SH3TC2: variants seen among roughly 807,000 people sequenced by gnomAD.
SH3TC2 encodes SH3 domain and tetratricopeptide repeats 2.
A neutral mutation model predicts 124.5 loss-of-function variants in SH3TC2; 87 were observed. That is an observed-to-expected ratio of 0.70 (90% confidence interval 0.59 to 0.84). The LOEUF is 0.84. SH3TC2 is among the 40% of genes least tolerant of loss of function. The pLI is 0.00. For missense variants in SH3TC2, 1,536 were observed against 1,566.4 expected (o/e 0.98, Z 0.33); for synonymous variants, 634 against 628.5 (o/e 1.01, Z -0.13).
chr5:149,045,048 T>C, intron 3 of SH3TC2: 1 of 180,400 alleles, frequency 5.5e-6, no homozygotes, highest in Non-Finnish European at 1.2e-5. Flanking sequence ...CAAATTTGAT[T>C]ATGAGTCTAT....
intron 8 of SH3TC2, among the ~76,000 whole-genome samples, 164 bp from the exon 9 acceptor site, chr5:149,031,851 T>C (rs191338391): frequency 7.2e-5 from 11 of 152,278 alleles, no homozygotes; most frequent in African/African-American, 2.6e-4. Flanking sequence ...ACTGTATTTA[T>C]ACTGCCAAAA....
chr5:149,061,364 C>G (rs1355578901), intron 1 of SH3TC2, among the ~76,000 whole-genome samples: 2 of 152,030 alleles, frequency 1.3e-5, no homozygotes, highest in Non-Finnish European at 2.9e-5. Flanking sequence ...TCTGAGGCAC[C>G]TCTACACAGC....
rs1185218436 is a variant in SH3TC2, at chr5:148,995,835, A to T, written c.*8876T>A. On this transcript the variant is annotated 3_prime_UTR_variant, in exon 17 of 17. Coordinates refer to ENST00000515425, the MANE Select transcript of SH3TC2 (RefSeq NM_024577.4). ...TGGTGCACATGGATTATTAAAATAA[A>T]AAAACTCACATAAAGTACACTTTTA... Among the ~76,000 whole-genome samples, 1 of 152,192 alleles carries T rather than the reference A, an allele frequency of 6.6e-6. No individual in the cohort carries two copies. The highest frequency in any genetic ancestry group is 1.5e-5 in the Non-Finnish European group (1 of 68,038).
At position 149,004,676 on chromosome 5, in the gene SH3TC2, G is replaced by C. The variant is rs1208560384; in HGVS notation, c.*35C>G. ...CCTAGGGCAGTGGGGTCAGAGTCTG[G>C]CCATGCCAAATGTCCAGAGACAGGA... On this transcript the variant is annotated 3_prime_UTR_variant, in exon 17 of 17. Transcript: ENST00000515425. 5.0e-6 allele frequency: 8 copies of C among 1,609,784 alleles called. No homozygotes were observed. Among genetic ancestry groups the C allele is most frequent in the Non-Finnish European group, 2.5e-6 (3 of 1,178,476 alleles).
chr5:149,031,140 T>C (rs1021038425), intron 9 of SH3TC2, among the ~76,000 whole-genome samples: 47 of 152,284 alleles, frequency 3.1e-4, no homozygotes, highest in African/African-American at 9.9e-4. Context: ...TGTTTCCCAA[T>C]CTGTAATGTG....
rs780815734 is a variant in SH3TC2, at chr5:148,995,725, G to A, written c.*8986C>T. 2.6e-5 allele frequency among the ~76,000 whole-genome samples: 4 copies of A among 151,938 alleles called. No homozygotes were observed. The highest frequency in any genetic ancestry group is 4.4e-5 in the Non-Finnish European group (3 of 68,018). On this transcript the variant is annotated 3_prime_UTR_variant, in exon 17 of 17. Transcript: ENST00000515425. Reference sequence around the variant, plus strand: ...CAAATCTTTATTGAGAGCCTGCCATGCATCAGACACTGGGCTGGGCTCCAG... The same window carrying A: ...CAAATCTTTATTGAGAGCCTGCCATACATCAGACACTGGGCTGGGCTCCAG...
intron 12 of SH3TC2, among the ~76,000 whole-genome samples, chr5:149,013,076 T>C (rs1365988684): frequency 6.6e-6 from 1 of 152,198 alleles, no homozygotes; most frequent in Non-Finnish European, 1.5e-5. Context: ...CTTATAATTA[T>C]TATTATTATT....
rs1753627388 is a variant in SH3TC2, at chr5:149,003,304, C to T, written c.*1407G>A. ...TGTGATCAGGTTATAGAAAGAGTCA[C>T]TCCCTTTTCTCCTGCTCACTCTGGT... is the stretch of plus-strand genomic sequence containing the variant. On this transcript the variant is annotated 3_prime_UTR_variant, in exon 17 of 17. Coordinates refer to ENST00000515425, the MANE Select transcript of SH3TC2 (RefSeq NM_024577.4). 1.3e-5 allele frequency: 2 copies of T among 152,770 alleles called. No individual in the cohort carries two copies. Among genetic ancestry groups the T allele is most frequent in the Non-Finnish European group, 2.9e-5 (2 of 68,480 alleles). 9.5% of individuals were successfully genotyped at this position (152,770 alleles called of 1,614,324 possible). A position where few individuals can be genotyped will look rare whatever the true frequency, so the allele number is the denominator to read the frequency against.
At position 148,991,684 on chromosome 5, in the gene SH3TC2, A is replaced by G. The variant is rs949425932; in HGVS notation, c.*13027T>C. 1.9e-4 allele frequency among the ~76,000 whole-genome samples: 29 copies of G among 152,226 alleles called. No individual in the cohort carries two copies. Among genetic ancestry groups the G allele is most frequent in the African/African-American group, 6.8e-4 (28 of 41,462 alleles). ...CTGGGGTCACAAAAGCCTTGTAATT[A>G]GAATCAGTGTGACTAATTTCCAGGT... On this transcript the variant is annotated 3_prime_UTR_variant, in exon 17 of 17. Transcript: ENST00000515425.
chr5:149,012,854 G>T, intron 12 of SH3TC2, 120 bp from the exon 13 acceptor site: 1 of 1,181,298 alleles, frequency 8.5e-7, no homozygotes, highest in Non-Finnish European at 1.2e-6. Flanking sequence ...ACACAGGGAG[G>T]TGGGCCTGAT....
rs1364183817 is a variant in SH3TC2 at position 148,989,593 on chromosome 5, C to T, written c.*15118G>A. Among the ~76,000 whole-genome samples the T allele has an allele frequency of 6.6e-6, 1 of 152,232 alleles. No homozygotes were observed. The highest frequency in any genetic ancestry group is 1.5e-5 in the Non-Finnish European group (1 of 68,042). On this transcript the variant is annotated 3_prime_UTR_variant, in exon 17 of 17. Coordinates refer to ENST00000515425, the MANE Select transcript of SH3TC2 (RefSeq NM_024577.4). ...AGTTTTGGGGATTGCAAAGTGTTGA[C>T]ATTTTCAGACCACCTATGTATATTG...
chr5:149,018,490 T>C (rs939393780), intron 12 of SH3TC2, among the ~76,000 whole-genome samples: 2 of 152,190 alleles, frequency 1.3e-5, no homozygotes, highest in South Asian at 2.1e-4. Flanking sequence ...ACGTCTTACA[T>C]GGCAGAAGGC....
rs1754092804 is a variant in SH3TC2, at chr5:149,027,548, G to T, written c.2184C>A (p.Gly728=). 1 of 1,614,248 alleles carries T rather than the reference G, an allele frequency of 6.2e-7. No homozygotes were observed. Among genetic ancestry groups the T allele is most frequent in the Non-Finnish European group, 8.5e-7 (1 of 1,180,046 alleles). ...TTKLLGFPSP[G]WGEVSALACP... ...AGGCCAAGGCAGAAACTTCACCCCA[G>T]CCTGGGGAAGGAAAGCCAAGGAGCT... The change falls in exon 11 of 17, where the codon GGC becomes GGA. Residue 728 remains glycine (G), a synonymous_variant. Transcript: ENST00000515425.
chr5:149,028,437 A>C lies in SH3TC2; in HGVS notation c.1295T>G (p.Leu432Arg). The change falls in exon 11 of 17, where the codon CTC (leucine) becomes CGC (arginine). Residue 432 changes from leucine to arginine, a missense_variant. Transcript: ENST00000515425. ...GCGATAGCTGTCTGAGGTGGCCGAG[A>C]GGAGCTCCTCCTCCAGGCTGGAGTC... is the stretch of plus-strand genomic sequence containing the variant. The part of the protein sequence containing the change: ...SEDSSLEEEL[L>R]SATSDSYRLP... The C allele has an allele frequency of 6.2e-7, 1 of 1,613,394 alleles. No homozygotes were observed. The highest frequency in any genetic ancestry group is 8.5e-7 in the Non-Finnish European group (1 of 1,179,614).
Position 148,982,405 on chromosome 5 carries a change from T to C in SH3TC2, c.*22306A>G, listed in dbSNP as rs1345607622. Among the ~76,000 whole-genome samples the C allele has an allele frequency of 1.3e-5, 2 of 152,220 alleles. No individual in the cohort carries two copies. The highest frequency in any genetic ancestry group is 1.9e-4 in the East Asian group (1 of 5,202). On this transcript the variant is annotated 3_prime_UTR_variant, in exon 17 of 17. Coordinates refer to ENST00000515425, the MANE Select transcript of SH3TC2 (RefSeq NM_024577.4). The stretch of plus-strand genomic sequence containing the variant: ...ACTTTTGTGGAATTTTTCCTACATA[T>C]ATAATCACAATCACATGAAATGACA...
rs1753535950 is a variant in SH3TC2 at position 148,997,869 on chromosome 5, T to C, written c.*6842A>G. 6.6e-6 allele frequency among the ~76,000 whole-genome samples: 1 copy of C among 152,106 alleles called. No individual in the cohort carries two copies. Among genetic ancestry groups the C allele is most frequent in the African/African-American group, 2.4e-5 (1 of 41,412 alleles). ...GATTACATGAGAGTCATCACAAAGGTTTTGCATGAGACTTAATGCATAAAA... is the reference window on the plus strand; with the variant it reads ...GATTACATGAGAGTCATCACAAAGGCTTTGCATGAGACTTAATGCATAAAA... On this transcript the variant is annotated 3_prime_UTR_variant, in exon 17 of 17. Coordinates refer to ENST00000515425, the MANE Select transcript of SH3TC2 (RefSeq NM_024577.4).
Position 149,047,938 on chromosome 5 carries a change from C to T in SH3TC2, c.203G>A (p.Gly68Glu). 6.2e-7 allele frequency: 1 copy of T among 1,614,154 alleles called. No individual in the cohort carries two copies. Among genetic ancestry groups the T allele is most frequent in the Non-Finnish European group, 8.5e-7 (1 of 1,180,030 alleles). The change falls in exon 3 of 17, where the codon GGA (glycine) becomes GAA (glutamate). Residue 68 changes from glycine (G) to glutamate (E), a missense_variant. This residue lies in a region of SH3TC2 where 1,102 missense variants were observed against 1,098.6 expected (regional missense o/e 1.00). Coordinates refer to ENST00000515425, the MANE Select transcript of SH3TC2 (RefSeq NM_024577.4). ...CCTCCGAGCAGCTTCCTGTAGGGGT[C>T]CATTTACACACCTCCTGGAGCGGCT... Reference protein sequence around the residue: ...VKSRSRRCVNGPLQEAARRRL... With the variant: ...VKSRSRRCVNEPLQEAARRRL...
chr5:148,986,715 T>C lies in SH3TC2; in HGVS notation c.*17996A>G, dbSNP rs1753338151. Among the ~76,000 whole-genome samples, 2 of 152,204 alleles carry C rather than the reference T, an allele frequency of 1.3e-5. No individual in the cohort carries two copies. The highest frequency in any genetic ancestry group is 4.8e-5 in the African/African-American group (2 of 41,456). On this transcript the variant is annotated 3_prime_UTR_variant, in exon 17 of 17. Transcript: ENST00000515425. ...TTGTTAGGGTGACTTGTAGGCATCA[T>C]AATAAGCCAAATCAGAGCATAAGAA...
chr5:149,037,038 C>T (rs1310001856), intron 8 of SH3TC2, among the ~76,000 whole-genome samples: 1 of 152,148 alleles, frequency 6.6e-6, no homozygotes, highest in East Asian at 1.9e-4. Flanking sequence ...TGCTCAGAGA[C>T]ATGCAGTAGC....
Sources: gnomAD v4.1 joint callset for allele counts (sites outside exome capture counted in the v4.1 genomes callset) on GRCh38, gnomAD v4.1.1 for gene constraint, gnomAD v4.1.1 regional missense constraint, MANE v1.5 for transcripts, NCBI Gene and HGNC (gene_info 2026-07-23, HGNC 2026-07-21) for gene names.